Variants in TRPC6 observed in about 807,000 individuals in gnomAD.
TRPC6 encodes transient receptor potential cation channel subfamily C member 6, also known as short transient receptor potential channel 6.
Under a neutral mutation model 90.7 loss-of-function variants are expected in TRPC6, and 55 were observed. The observed-to-expected ratio is 0.61, with a 90% CI of 0.49 to 0.76. The LOEUF (loss-of-function observed/expected upper bound fraction) is 0.76. Among genes scored for constraint, TRPC6 ranks in the 30% least tolerant of loss-of-function variants. TRPC6 has a pLI of 0.00. For missense variants in TRPC6, 989 were observed against 1,122.7 expected (o/e 0.88, Z 1.70); for synonymous variants, 393 against 393.0 (o/e 1.00, Z 0.00).
At chr11:101,553,069 G>T (rs1418428082) in intron 1 of TRPC6, among the ~76,000 whole-genome samples, 4 of 152,130 alleles carry the variant, frequency 2.6e-5, no homozygotes, top group Non-Finnish European at 5.9e-5. Flanking sequence ...TTAATGGGAA[G>T]TAAGATAGGG....
intron 1 of TRPC6, among the ~76,000 whole-genome samples, chr11:101,554,886 C>T (rs186786012): frequency 4.6e-5 from 7 of 152,106 alleles, no homozygotes. Flanking sequence ...GCACATCACC[C>T]GCTTGACTCC....
At chr11:101,533,792 A>G (rs1403762199) in intron 1 of TRPC6, among the ~76,000 whole-genome samples, 1 of 152,028 alleles carries the variant, frequency 6.6e-6, no homozygotes, top group Admixed American at 6.5e-5. Context: ...TCTGCTTAGG[A>G]TTCCATTCCC....
intron 1 of TRPC6, among the ~76,000 whole-genome samples, chr11:101,528,783 A>G (rs1860844185): frequency 6.6e-6 from 1 of 152,142 alleles, no homozygotes; most frequent in South Asian, 2.1e-4. Context: ...GCCAAATGGA[A>G]TTTCAACAGA....
chr11:101,579,220 T>A (rs1027739540), intron 1 of TRPC6, among the ~76,000 whole-genome samples: 4 of 152,092 alleles, frequency 2.6e-5, no homozygotes, highest in Non-Finnish European at 4.4e-5. Flanking sequence ...CTTCCATTAA[T>A]TTTTTTTAAG....
At chr11:101,510,561 TG>T (rs1860372491) in intron 1 of TRPC6, among the ~76,000 whole-genome samples, 1 of 152,194 alleles carries the variant, frequency 6.6e-6, no homozygotes, top group Non-Finnish European at 1.5e-5. Context: ...TACATTTTCA[TG>T]TCTGTATTTT....
At chr11:101,521,463 A>G (rs1860659005) in intron 1 of TRPC6, among the ~76,000 whole-genome samples, 1 of 152,258 alleles carries the variant, frequency 6.6e-6, no homozygotes, top group Admixed American at 6.5e-5. Context: ...ATGTCCAGGC[A>G]GAAGTCTACT....
chr11:101,501,932 T>A (rs1844378400), intron 2 of TRPC6, among the ~76,000 whole-genome samples: 2 of 152,210 alleles, frequency 1.3e-5, no homozygotes, highest in African/African-American at 4.8e-5. Context: ...TACTCCTAAA[T>A]ACATTTATGT....
Position 101,501,285 on chromosome 11 carries a change from G to T in TRPC6, c.945+2739C>A, listed in dbSNP as rs189189857. On this transcript the variant is annotated intron_variant, in intron 2 of 12. Coordinates refer to ENST00000344327, the MANE Select transcript of TRPC6 (RefSeq NM_004621.6). ...AAGATTTTAAAAAAAAAGACTGAAA[G>T]GATATGTGCTAGCATGTTGGTAGTG... Among the ~76,000 whole-genome samples the T allele has an allele frequency of 3.2e-4, 48 of 150,940 alleles. No individual in the cohort carries two copies. In the East Asian group the frequency reaches 9.3e-3, roughly 29 times the overall value.
Position 101,488,946 on chromosome 11 carries a change from T to G in TRPC6, c.1284A>C (p.Pro428=). ...PFLALIYWFA[P]CSKMGKIMRG... is the part of the protein sequence containing the mutation. ...GGCTTCACATACATACCTTGCTGCA[T>G]GGAGCAAACCAGTAAATGAGAGCCA... The change falls in exon 4 of 13, where the codon CCA becomes CCC. Residue 428 remains proline, a synonymous_variant. Coordinates refer to ENST00000344327, the MANE Select transcript of TRPC6 (RefSeq NM_004621.6). 6.2e-7 allele frequency: 1 copy of G among 1,614,126 alleles called. No homozygotes were observed. Among genetic ancestry groups the G allele is most frequent in the Non-Finnish European group, 8.5e-7 (1 of 1,179,984 alleles).
chr11:101,516,059 A>T (rs1860511405), intron 1 of TRPC6, among the ~76,000 whole-genome samples: 1 of 149,976 alleles, frequency 6.7e-6, no homozygotes, highest in Non-Finnish European at 1.5e-5. Context: ...ATATAAGGAA[A>T]AATGTTTGGG....
chr11:101,537,367 A>C (rs1483103556), intron 1 of TRPC6, among the ~76,000 whole-genome samples: 1 of 152,140 alleles, frequency 6.6e-6, no homozygotes, highest in Non-Finnish European at 1.5e-5. Context: ...TGCCTATGCA[A>C]TTACTGAGAA....
At chr11:101,494,856 A>G (rs1360903513) in intron 2 of TRPC6, among the ~76,000 whole-genome samples, 2 of 152,222 alleles carry the variant, frequency 1.3e-5, no homozygotes, top group Non-Finnish European at 2.9e-5. Context: ...AAGAAAGAAT[A>G]AGACTATGAT....
In TRPC6 at chr11:101,548,476, A is replaced by ATATC. The variant is rs1555011220; in HGVS notation, c.170+34857_170+34858insGATA. On this transcript the variant is annotated intron_variant, in intron 1 of 12. Coordinates refer to ENST00000344327, the MANE Select transcript of TRPC6 (RefSeq NM_004621.6). Reference sequence around the variant, plus strand: ...TATACTGATATATATATATATATATATCTCTCTCTCTCTCTCTGTCTCTCA... The same window carrying ATATC: ...TATACTGATATATATATATATATATATATCTCTCTCTCTCTCTCTCTGTCTCTCA... Among the ~76,000 whole-genome samples, 907 of 112,088 alleles carry ATATC rather than the reference A, an allele frequency of 8.1e-3. 17 individuals carry two copies. The highest frequency in any genetic ancestry group is 0.051 in the South Asian group (208 of 4,078). The allele number at this position is 112,088 out of a possible 152,430, so 73.5% of individuals were successfully genotyped here. A position where few individuals can be genotyped will look rare whatever the true frequency, so the allele number is the denominator to read the frequency against.
intron 2 of TRPC6, among the ~76,000 whole-genome samples, chr11:101,500,333 T>C (rs1860087160): frequency 1.3e-5 from 2 of 151,486 alleles, no homozygotes; most frequent in South Asian, 4.2e-4. Context: ...CTCAGCCTCC[T>C]GCGTAGCTGG....
chr11:101,512,990 T>G (rs1860432290), intron 1 of TRPC6, among the ~76,000 whole-genome samples: 1 of 152,142 alleles, frequency 6.6e-6, no homozygotes, highest in Non-Finnish European at 1.5e-5. Flanking sequence ...TGTGCAGAAG[T>G]TAGGGAAATC....
chr11:101,466,584 A>G (rs1859150875), intron 10 of TRPC6, among the ~76,000 whole-genome samples: 1 of 152,226 alleles, frequency 6.6e-6, no homozygotes, highest in Non-Finnish European at 1.5e-5. Flanking sequence ...GGTTGATCTC[A>G]GACCACTGCT....
intron 1 of TRPC6, among the ~76,000 whole-genome samples, chr11:101,531,829 C>G (rs1295700581): frequency 6.6e-6 from 1 of 152,166 alleles, no homozygotes; most frequent in Non-Finnish European, 1.5e-5. Context: ...TCTCCCCGTT[C>G]TTTCTGCTCC....
At chr11:101,562,055 GAGTGAAGTGA>G (rs1026743736) in intron 1 of TRPC6, among the ~76,000 whole-genome samples, 2 of 152,112 alleles carry the variant, frequency 1.3e-5, no homozygotes, top group Non-Finnish European at 2.9e-5. Context: ...TTGCCTGGGT[GAGTGAAGTGA>G]ACCTGTGGTA....
chr11:101,527,480 A>AT (rs1860805413), intron 1 of TRPC6, among the ~76,000 whole-genome samples: 1 of 152,156 alleles, frequency 6.6e-6, no homozygotes, highest in Non-Finnish European at 1.5e-5. Flanking sequence ...CAAAATTTAC[A>AT]TTTTTGATGA....
Sources: allele counts gnomAD v4.1 joint callset (sites outside exome capture counted in the v4.1 genomes callset), GRCh38; gene constraint gnomAD v4.1.1; transcripts MANE v1.5; gene names NCBI Gene and HGNC (gene_info 2026-07-23, HGNC 2026-07-21).